RPTOR: variants seen among roughly 807,000 people sequenced by gnomAD.
The protein encoded by RPTOR is regulatory-associated protein of mTOR.
In RPTOR, 21 loss-of-function variants were observed where a neutral mutation model predicts 169.9. The observed-to-expected ratio is 0.12, with a 90% confidence interval of 0.09 to 0.18. RPTOR has a LOEUF of 0.18. Among genes scored for constraint, RPTOR ranks in the 10% least tolerant of loss-of-function variants. The pLI is 1.00. For synonymous variants in RPTOR, 732 were observed against 753.2 expected (o/e 0.97, Z 0.46); for missense variants, 1,133 against 1,855.9 (o/e 0.61, Z 7.16).
At chr17:80,914,195 G>A (rs58869707) in intron 21 of RPTOR, among the ~76,000 whole-genome samples, 13 of 152,230 alleles carry the variant, frequency 8.5e-5, no homozygotes, top group Non-Finnish European at 1.5e-4. Context: ...GGCCAGGGCC[G>A]TGTGCTCCAC....
intron 8 of RPTOR, among the ~76,000 whole-genome samples, chr17:80,822,516 G>A (rs538820968): frequency 6.6e-6 from 1 of 152,256 alleles, no homozygotes; most frequent in Non-Finnish European, 1.5e-5. Flanking sequence ...GTGGTGTGGA[G>A]AGACTGCGTG....
intron 2 of RPTOR, among the ~76,000 whole-genome samples, chr17:80,634,507 C>CTG (rs1371667192): frequency 9.3e-6 from 1 of 106,958 alleles, no homozygotes; most frequent in Non-Finnish European, 1.8e-5. Flanking sequence ...TGTGTGCATA[C>CTG]TGTGTGTGTG....
At chr17:80,924,121 A>C (rs143703236) in intron 23 of RPTOR, 165 of 182,812 alleles carry the variant, frequency 9.0e-4, no homozygotes, top group African/African-American at 3.4e-3. Context: ...TGAACATCCA[A>C]GTACGCTGCA....
At position 80,633,262 on chromosome 17, in the gene RPTOR, G is replaced by A. The variant is rs1211456373; in HGVS notation, c.265+7469G>A. ...GGAGTTTCTCTTTCCAGATGACAAC[G>A]CAGTCACCAAAATCAAGGAGCATTC... is the stretch of plus-strand genomic sequence containing the variant. On this transcript the variant is annotated intron_variant, in intron 2 of 33. Coordinates refer to ENST00000306801, the MANE Select transcript of RPTOR (RefSeq NM_020761.3). The surrounding 1 kb of genome is among the most constrained non-coding windows in gnomAD (Gnocchi z 4.1). 5.3e-5 allele frequency among the ~76,000 whole-genome samples: 8 copies of A among 152,150 alleles called. No homozygotes were observed. The East Asian group carries it at 1.3e-3, about 26-fold the overall frequency.
intron 10 of RPTOR, among the ~76,000 whole-genome samples, chr17:80,840,303 A>ACTCACCGCACGGCAGCTCACT (rs2067613845): frequency 1.4e-5 from 2 of 139,646 alleles, no homozygotes; most frequent in African/African-American, 5.5e-5. Context: ...CGCAGCTCAC[A>ACTCACCGCACGGCAGCTCACT]CTCACCGCAC....
intron 1 of RPTOR, among the ~76,000 whole-genome samples, chr17:80,557,126 T>A (rs963823288): frequency 6.6e-6 from 1 of 151,708 alleles, no homozygotes; most frequent in African/African-American, 2.4e-5. Flanking sequence ...TGTGGAAGAC[T>A]CTTGAGATGG....
intron 3 of RPTOR, among the ~76,000 whole-genome samples, chr17:80,691,972 C>A (rs770070690): frequency 6.6e-6 from 1 of 152,340 alleles, no homozygotes; most frequent in Middle Eastern, 3.4e-3. Flanking sequence ...TATCCTGCAC[C>A]ACACCTGGCA....
intron 2 of RPTOR, among the ~76,000 whole-genome samples, chr17:80,634,031 C>T (rs996879458): frequency 3.3e-5 from 5 of 151,980 alleles, no homozygotes; most frequent in Admixed American, 1.3e-4. Flanking sequence ...GGACCTCTCT[C>T]GCTGGACAGA....
At chr17:80,643,957 C>T in intron 3 of RPTOR, 147 bp downstream of exon 3, 1 of 625,860 alleles carries the variant, frequency 1.6e-6, no homozygotes, top group East Asian at 2.9e-5. Context: ...TTTCGTGTGC[C>T]TGCGTTCTGC....
chr17:80,827,333 G>A (rs574901069), intron 9 of RPTOR, among the ~76,000 whole-genome samples: 2 of 152,342 alleles, frequency 1.3e-5, no homozygotes, highest in Admixed American at 6.5e-5. Context: ...GCTCAGAACA[G>A]CACGTGGCCT....
intron 5 of RPTOR, among the ~76,000 whole-genome samples, chr17:80,752,134 G>A (rs1055911917): frequency 2.0e-5 from 3 of 152,242 alleles, no homozygotes; most frequent in African/African-American, 4.8e-5. Flanking sequence ...AGGCAATGCA[G>A]ATTCCATCTC....
At chr17:80,895,579 C>T (rs941554111) in intron 20 of RPTOR, among the ~76,000 whole-genome samples, 2 of 152,366 alleles carry the variant, frequency 1.3e-5, no homozygotes, top group South Asian at 2.1e-4. Flanking sequence ...TAAACGGGCA[C>T]GTGTGTGGTG....
At chr17:80,576,809 T>C (rs1444322062) in intron 1 of RPTOR, among the ~76,000 whole-genome samples, 4 of 152,208 alleles carry the variant, frequency 2.6e-5, no homozygotes, top group Non-Finnish European at 5.9e-5. Context: ...GTTCAAGCCA[T>C]CCTCCCAACT....
At chr17:80,559,369 T>C (rs2084450607) in intron 1 of RPTOR, among the ~76,000 whole-genome samples, 1 of 152,186 alleles carries the variant, frequency 6.6e-6, no homozygotes, top group Non-Finnish European at 1.5e-5. Flanking sequence ...GCTGCCCTTT[T>C]GCCATACCTG....
chr17:80,743,792 TACTAGCACAGCCCTGGC>T (rs2066515749), intron 5 of RPTOR, among the ~76,000 whole-genome samples: 1 of 128,006 alleles, frequency 7.8e-6, no homozygotes, highest in African/African-American at 3.0e-5. Context: ...GAGCCCTGGC[TACTAGCACAGCCCTGGC>T]TACTAGCAGA....
intron 3 of RPTOR, among the ~76,000 whole-genome samples, chr17:80,676,469 G>A (rs2065862107): frequency 1.3e-5 from 2 of 152,170 alleles, no homozygotes; most frequent in South Asian, 4.1e-4. Context: ...GGGACCTCTG[G>A]ACATCAGCGC....
chr17:80,855,488 C>A lies in RPTOR; in HGVS notation c.1339C>A (p.Leu447Met), dbSNP rs1204708713. ...LQVLLSQVHR[L>M]RALDLLGRFL... ...GGTGCTGTTAAGCCAAGTGCACCGGCTGAGAGCATTGGACTTGCTTGGAAG... is the reference window on the plus strand; with the variant it reads ...GGTGCTGTTAAGCCAAGTGCACCGGATGAGAGCATTGGACTTGCTTGGAAG... The change falls in exon 12 of 34, where the codon CTG (leucine) becomes ATG (methionine). Residue 447 changes from leucine to methionine, a missense_variant. Leu to Met is a conservative substitution (Grantham distance 15). Transcript: ENST00000306801. 1 of 1,614,066 alleles carries A rather than the reference C, an allele frequency of 6.2e-7. No homozygotes were observed. The highest frequency in any genetic ancestry group is 8.5e-7 in the Non-Finnish European group (1 of 1,179,892).
At chr17:80,595,347 A>C (rs189157921) in intron 1 of RPTOR, among the ~76,000 whole-genome samples, 2 of 152,346 alleles carry the variant, frequency 1.3e-5, no homozygotes, top group African/African-American at 2.4e-5. Flanking sequence ...GAAGTCTTGA[A>C]GCCTGCAGTA....
intron 7 of RPTOR, chr17:80,805,198 A>G (rs561113572): frequency 6.6e-5 from 10 of 152,384 alleles, no homozygotes; most frequent in Non-Finnish European, 1.2e-4. Context: ...GGTGGTGGCA[A>G]TCTCTGTCAG....
Sources: gnomAD v4.1 joint callset for allele counts (sites outside exome capture counted in the v4.1 genomes callset) on GRCh38, gnomAD v4.1.1 for gene constraint, Gnocchi (gnomAD v3.1) non-coding constraint, MANE v1.5 for transcripts, NCBI Gene and HGNC (gene_info 2026-07-23, HGNC 2026-07-21) for gene names.